Variants in INVS observed in about 807,000 individuals in gnomAD.
The protein encoded by INVS is inversin.
In INVS, 86 loss-of-function variants were observed where a neutral mutation model predicts 108.8. The ratio of observed to expected loss-of-function variants is 0.79; its 90% CI spans 0.66 to 0.95. The LOEUF (loss-of-function observed/expected upper bound fraction) is 0.95, where lower values mean the gene tolerates loss of function less well. INVS is among the 40% of genes least tolerant of loss of function. The pLI is 0.00. For synonymous variants in INVS, 455 were observed against 473.5 expected (o/e 0.96, Z 0.51); for missense variants, 1,169 against 1,297.4 (o/e 0.90, Z 1.52).
In INVS at chr9:100,226,135, C is replaced by A; in HGVS notation, c.347C>A (p.Thr116Asn). Reference sequence around the variant, plus strand: ...ATGCAAAAGGATCTGGAAGAGATGACTCCTTTGCACTTGACCACCCGGCAC... The same window carrying A: ...ATGCAAAAGGATCTGGAAGAGATGAATCCTTTGCACTTGACCACCCGGCAC... ...NWMQKDLEEM[T>N]PLHLTTRHRS... Residue 116 changes from threonine (T) to asparagine (N), a missense_variant, in exon 4 of 17, where the codon ACT (threonine) becomes AAT (asparagine). Thr to Asn is a moderately conservative substitution (Grantham distance 65, BLOSUM62 0). Around this residue, in one of 3 missense-constraint regions of INVS, gnomAD observed 365 missense variants for 397.5 expected, o/e 0.92. Coordinates refer to ENST00000262457, the MANE Select transcript of INVS (RefSeq NM_014425.5). 1 of 1,613,874 alleles carries A rather than the reference C, an allele frequency of 6.2e-7. No individual in the cohort carries two copies. The highest frequency in any genetic ancestry group is 8.5e-7 in the Non-Finnish European group (1 of 1,179,846).
At chr9:100,100,127 A>T (rs1448895208) in intron 1 of INVS, among the ~76,000 whole-genome samples, 5 of 152,208 alleles carry the variant, frequency 3.3e-5, no homozygotes, top group South Asian at 2.1e-4. Flanking sequence ...TAATTAGGCA[A>T]GGATGATGAC....
At chr9:100,165,623 A>G (rs1331928914) in intron 3 of INVS, among the ~76,000 whole-genome samples, 2 of 152,084 alleles carry the variant, frequency 1.3e-5, no homozygotes, top group African/African-American at 4.8e-5. Context: ...CATTTTTAAT[A>G]TCATTATGAA....
chr9:100,131,630 C>T (rs552971354), intron 3 of INVS, among the ~76,000 whole-genome samples: 1 of 152,220 alleles, frequency 6.6e-6, no homozygotes, highest in South Asian at 2.1e-4. Context: ...TCTACTGATA[C>T]ATTTGTTAAT....
At chr9:100,162,889 T>G (rs1173647846) in intron 3 of INVS, among the ~76,000 whole-genome samples, 1 of 152,006 alleles carries the variant, frequency 6.6e-6, no homozygotes, top group East Asian at 1.9e-4. Context: ...AGGACATATC[T>G]ACTTAAAAGG....
At chr9:100,250,594 A>G (rs1832200029) in intron 8 of INVS, among the ~76,000 whole-genome samples, 1 of 152,168 alleles carries the variant, frequency 6.6e-6, no homozygotes, top group South Asian at 2.1e-4. Flanking sequence ...TTCTATGTCA[A>G]ATCCCGTAGC....
chr9:100,239,915 G>C (rs1326358949), intron 5 of INVS, 145 bp from the exon 6 acceptor site: 4 of 729,598 alleles, frequency 5.5e-6, no homozygotes, highest in African/African-American at 1.7e-5. Flanking sequence ...GCTGCAGTGA[G>C]CTGTGATCAT....
At chr9:100,130,255 C>T (rs1441909911) in intron 3 of INVS, 1 of 152,074 alleles carries the variant, frequency 6.6e-6, no homozygotes, top group African/African-American at 2.4e-5. Context: ...ACTCCCTATG[C>T]ATTTCTGTTT....
chr9:100,242,041 G>T (rs1588115406), intron 6 of INVS, among the ~76,000 whole-genome samples: 2 of 152,120 alleles, frequency 1.3e-5, no homozygotes, highest in Admixed American at 6.6e-5. Flanking sequence ...TCACTGCCTA[G>T]ATGTTATAAA....
At chr9:100,220,481 C>A (rs1199905420) in intron 3 of INVS, among the ~76,000 whole-genome samples, 1 of 152,142 alleles carries the variant, frequency 6.6e-6, no homozygotes, top group Non-Finnish European at 1.5e-5. Context: ...AGAGTAATGT[C>A]CTTTTAAATG....
chr9:100,226,890 C>T (rs1486011022), intron 4 of INVS, among the ~76,000 whole-genome samples: 1 of 149,820 alleles, frequency 6.7e-6, no homozygotes, highest in East Asian at 2.0e-4. Flanking sequence ...ATAATAGTTA[C>T]TATAGGTGGT....
chr9:100,141,070 A>G (rs1159348905), intron 3 of INVS, among the ~76,000 whole-genome samples: 1 of 152,166 alleles, frequency 6.6e-6, no homozygotes, highest in Non-Finnish European at 1.5e-5. Flanking sequence ...AAACAGTGTA[A>G]ACCAGCAGTG....
intron 3 of INVS, among the ~76,000 whole-genome samples, chr9:100,139,797 AC>A (rs1307209493): frequency 6.6e-6 from 1 of 152,084 alleles, no homozygotes; most frequent in Non-Finnish European, 1.5e-5. Context: ...ACGTACCACT[AC>A]GCCCAGCTAA....
At chr9:100,230,034 A>G (rs1831457390) in intron 5 of INVS, among the ~76,000 whole-genome samples, 1 of 152,158 alleles carries the variant, frequency 6.6e-6, no homozygotes, top group Non-Finnish European at 1.5e-5. Flanking sequence ...CCCAGTTTTT[A>G]AACGCATTCA....
At chr9:100,169,720 G>A (rs1301974299) in intron 3 of INVS, among the ~76,000 whole-genome samples, 1 of 152,120 alleles carries the variant, frequency 6.6e-6, no homozygotes, top group Admixed American at 6.5e-5. Flanking sequence ...CTGAATAAAG[G>A]TGAGTTGACA....
intron 10 of INVS, among the ~76,000 whole-genome samples, chr9:100,260,186 CTTTTTTTTTT>C (rs372496395): frequency 9.9e-6 from 1 of 101,496 alleles, no homozygotes; most frequent in Non-Finnish European, 2.0e-5. Flanking sequence ...ATTTTCTTTT[CTTTTTTTTTT>C]TTTTTTTTTT....
At chr9:100,157,267 C>CTTTTTTTT (rs770493291) in intron 3 of INVS, among the ~76,000 whole-genome samples, 1 of 130,096 alleles carries the variant, frequency 7.7e-6, no homozygotes, top group African/African-American at 3.3e-5. Flanking sequence ...TCTTTTTTTT[C>CTTTTTTTT]TTTTTTTTTT....
chr9:100,114,403 T>C (rs1827444382), intron 2 of INVS, among the ~76,000 whole-genome samples: 1 of 136,934 alleles, frequency 7.3e-6, no homozygotes, highest in Admixed American at 7.4e-5. Flanking sequence ...TTTTTTTTTT[T>C]TTTTTTTTTT....
chr9:100,271,370 C>G (rs1832949163), intron 11 of INVS, among the ~76,000 whole-genome samples: 1 of 152,084 alleles, frequency 6.6e-6, no homozygotes, highest in Non-Finnish European at 1.5e-5. Context: ...TATGGATGGC[C>G]TGTGCATTGT....
chr9:100,192,895 T>C (rs1158156283), intron 3 of INVS, among the ~76,000 whole-genome samples: 1 of 152,180 alleles, frequency 6.6e-6, no homozygotes, highest in Admixed American at 6.5e-5. Context: ...TTTTTCTGTA[T>C]TATTTTTAGA....
Sources: allele counts gnomAD v4.1 joint callset (sites outside exome capture counted in the v4.1 genomes callset), GRCh38; gene constraint gnomAD v4.1.1; regional missense constraint gnomAD v4.1.1; transcripts MANE v1.5; gene names NCBI Gene and HGNC (gene_info 2026-07-23, HGNC 2026-07-21).